The following RASAL2 variants were observed in gnomAD, a reference collection of about 807,000 sequenced individuals.
The protein encoded by RASAL2 is RAS protein activator like 2.
A neutral mutation model predicts 128.9 loss-of-function variants in RASAL2; 58 were observed. That is an observed-to-expected ratio of 0.45 (90% CI 0.36 to 0.56). RASAL2 has a LOEUF of 0.56. Ranked by LOEUF, RASAL2 falls within the 20% of genes least tolerant of loss-of-function variation. The pLI is 0.00. For synonymous variants in RASAL2, 561 were observed against 580.8 expected (o/e 0.97, Z 0.49); for missense variants, 1,360 against 1,601.6 (o/e 0.85, Z 2.57).
chr1:178,122,269 G>A (rs1659744766), intron 1 of RASAL2, among the ~76,000 whole-genome samples: 1 of 152,162 alleles, frequency 6.6e-6, no homozygotes, highest in Non-Finnish European at 1.5e-5. Context: ...ATCTGTTTTT[G>A]TCTGGTGTAA....
chr1:178,202,916 T>G (rs1220862677), intron 1 of RASAL2, among the ~76,000 whole-genome samples: 1 of 152,192 alleles, frequency 6.6e-6, no homozygotes, highest in African/African-American at 2.4e-5. Flanking sequence ...CTCAGCAACA[T>G]GGACTTCCAC....
intron 4 of RASAL2, chr1:178,412,040 G>A: frequency 1.7e-5 from 6 of 361,478 alleles, no homozygotes; most frequent in Non-Finnish European, 2.6e-5. Flanking sequence ...AATACTTTCT[G>A]AAAATAAATT....
chr1:178,235,490 T>A (rs1664191203), intron 1 of RASAL2, among the ~76,000 whole-genome samples: 1 of 152,202 alleles, frequency 6.6e-6, no homozygotes, highest in South Asian at 2.1e-4. Flanking sequence ...AAGGTGCTAT[T>A]TCAAGGAATT....
At chr1:178,124,339 G>A (rs890972775) in intron 1 of RASAL2, among the ~76,000 whole-genome samples, 2 of 152,214 alleles carry the variant, frequency 1.3e-5, no homozygotes, top group South Asian at 4.2e-4. Flanking sequence ...AGGGGGGTGG[G>A]GAGCCACTGG....
intron 1 of RASAL2, among the ~76,000 whole-genome samples, chr1:178,220,243 T>C (rs78424796): frequency 0.061 from 9,211 of 152,130 alleles, 360 homozygotes; most frequent in Middle Eastern, 0.092. Context: ...AGACACAAAG[T>C]AGACTAACAT....
intron 1 of RASAL2, among the ~76,000 whole-genome samples, chr1:178,112,379 G>A (rs147331394): frequency 0.014 from 2,077 of 151,966 alleles, 23 homozygotes; most frequent in Non-Finnish European, 0.022. Context: ...GTGAAACCCC[G>A]TCTCTACTAA....
intron 1 of RASAL2, among the ~76,000 whole-genome samples, chr1:178,156,310 G>A (rs1446882647): frequency 2.0e-5 from 3 of 152,078 alleles, no homozygotes; most frequent in African/African-American, 7.2e-5. Context: ...AACTTTATAT[G>A]TTATAAAAAT....
At position 178,466,068 on chromosome 1, in the gene RASAL2, G is replaced by A. The variant is rs534722358; in HGVS notation, c.3536G>A (p.Arg1179Gln). The change falls in exon 16 of 18, where the codon CGG (arginine) becomes CAG (glutamine). Residue 1179 changes from arginine to glutamine, a missense_variant. Transcript: ENST00000367649. ...YKARLEDSEE[R>Q]LRRQQEEKDS... is the part of the protein sequence containing the mutation. ...GCCCGACTGGAGGACAGCGAGGAGC[G>A]GCTCCGAAGACAGCAGGAAGAAAAA... 1.3e-5 allele frequency: 20 copies of A among 1,581,718 alleles called. No homozygotes were observed. The South Asian group carries it at 1.7e-4, about 14-fold the overall frequency.
At chr1:178,112,053 T>A (rs960798795) in intron 1 of RASAL2, among the ~76,000 whole-genome samples, 2 of 152,152 alleles carry the variant, frequency 1.3e-5, no homozygotes, top group African/African-American at 2.4e-5. Flanking sequence ...TAAAATTGAT[T>A]TTTTCTTATT....
At chr1:178,265,026 A>G (rs1409331808) in intron 1 of RASAL2, among the ~76,000 whole-genome samples, 1 of 152,236 alleles carries the variant, frequency 6.6e-6, no homozygotes, top group Non-Finnish European at 1.5e-5. Context: ...AGAAATTCTA[A>G]GGATTTTAGC....
intron 1 of RASAL2, among the ~76,000 whole-genome samples, chr1:178,275,753 G>A (rs994099959): frequency 6.6e-6 from 1 of 152,182 alleles, no homozygotes; most frequent in African/African-American, 2.4e-5. Flanking sequence ...TTAGACTAAA[G>A]GAAATTACTC....
At chr1:178,121,800 A>G (rs778162132) in intron 1 of RASAL2, among the ~76,000 whole-genome samples, 1 of 150,240 alleles carries the variant, frequency 6.7e-6, no homozygotes, top group Non-Finnish European at 1.5e-5. Flanking sequence ...TGTTGTTGTT[A>G]TACTCTTTTC....
intron 1 of RASAL2, among the ~76,000 whole-genome samples, chr1:178,250,639 G>A (rs1035366550): frequency 5.9e-5 from 9 of 152,112 alleles, no homozygotes; most frequent in Non-Finnish European, 8.8e-5. Context: ...GAAATCACCC[G>A]CCTTCTGCGT....
intron 1 of RASAL2, among the ~76,000 whole-genome samples, chr1:178,229,318 T>A (rs1371460627): frequency 6.6e-6 from 1 of 152,204 alleles, no homozygotes; most frequent in Non-Finnish European, 1.5e-5. Flanking sequence ...CCCAATAATG[T>A]CTTTCATAAC....
intron 1 of RASAL2, among the ~76,000 whole-genome samples, chr1:178,229,026 A>G (rs1049191695): frequency 2.0e-5 from 3 of 152,214 alleles, no homozygotes; most frequent in Admixed American, 6.5e-5. Flanking sequence ...ATAGTACAAT[A>G]AACTCCCATA....
Position 178,300,106 on chromosome 1 carries a change from G to T in RASAL2, c.445G>T (p.Ala149Ser), listed in dbSNP as rs1038193873. Reference sequence around the variant, plus strand: ...GTTTCCCGAGTACCCACCAGAGGGCGCCACTAAACTGGGTAAGCTACTATG... The same window carrying T: ...GTTTCCCGAGTACCCACCAGAGGGCTCCACTAAACTGGGTAAGCTACTATG... ...GQFPEYPPEG[A>S]TKLEVPAERS... The change falls in exon 3 of 18, where the codon GCC becomes TCC. Residue 149 changes from alanine to serine, a missense_variant. This residue lies in a region of RASAL2 where 617 missense variants were observed against 714.2 expected (regional missense o/e 0.86). Transcript: ENST00000367649. The T allele has an allele frequency of 1.2e-6, 2 of 1,612,404 alleles. No homozygotes were observed. The highest frequency in any genetic ancestry group is 1.7e-6 in the Non-Finnish European group (2 of 1,179,420).
chr1:178,350,797 C>T (rs893401923), intron 3 of RASAL2, among the ~76,000 whole-genome samples: 7 of 152,062 alleles, frequency 4.6e-5, no homozygotes, highest in African/African-American at 9.7e-5. Flanking sequence ...TACTACTTGG[C>T]GCTTACTTTT....
chr1:178,439,982 C>CATCT (rs1676517714), intron 6 of RASAL2, among the ~76,000 whole-genome samples: 1 of 148,258 alleles, frequency 6.7e-6, no homozygotes, highest in Non-Finnish European at 1.5e-5. Flanking sequence ...TCCATCCATC[C>CATCT]ATCCATCCAT....
intron 7 of RASAL2, 53 bp from the exon 8 acceptor site, chr1:178,442,621 GT>G (rs929083283): frequency 3.4e-5 from 48 of 1,415,468 alleles, no homozygotes; most frequent in South Asian, 1.3e-4. Context: ...AGAAAAAAAT[GT>G]TTTTTTTTCT....
Sources: allele counts gnomAD v4.1 joint callset (sites outside exome capture counted in the v4.1 genomes callset), GRCh38; gene constraint gnomAD v4.1.1; regional missense constraint gnomAD v4.1.1; transcripts MANE v1.5; gene names NCBI Gene and HGNC (gene_info 2026-07-23, HGNC 2026-07-21).